Variants in KIAA0319L observed in about 807,000 individuals in gnomAD.
KIAA0319L encodes KIAA0319 like, also known as dyslexia-associated protein KIAA0319-like protein.
KIAA0319L carries 55 observed loss-of-function variants against 120.1 expected under a neutral mutation model. That is an observed-to-expected ratio of 0.46 (90% CI 0.37 to 0.57). KIAA0319L has a LOEUF of 0.57. KIAA0319L is among the 20% of genes least tolerant of loss of function. The pLI is 0.00. For missense variants in KIAA0319L, 1,049 were observed against 1,255.3 expected (o/e 0.84, Z 2.48); for synonymous variants, 398 against 471.9 (o/e 0.84, Z 2.03).
chr1:35,445,707 G>C (rs910604942), intron 16 of KIAA0319L, among the ~76,000 whole-genome samples: 1 of 152,182 alleles, frequency 6.6e-6, no homozygotes, highest in Non-Finnish European at 1.5e-5. Flanking sequence ...AACACTAGTA[G>C]GGCAGGGCTC....
chr1:35,438,225 T>C (rs1640937404), intron 20 of KIAA0319L, among the ~76,000 whole-genome samples: 1 of 152,184 alleles, frequency 6.6e-6, no homozygotes, highest in Non-Finnish European at 1.5e-5. Context: ...TCAACTCCAT[T>C]CATAACTGTC....
Position 35,463,351 on chromosome 1 carries a change from A to G in KIAA0319L, c.1202-638T>C, listed in dbSNP as rs369473184. ...GTTGATGAAAAGTACTACAGCAGCA[A>G]GTGACTCCTTTCAGCCAAGCCTGAC... On this transcript the variant is annotated intron_variant, in intron 7 of 20. Coordinates refer to ENST00000325722, the MANE Select transcript of KIAA0319L (RefSeq NM_024874.5). Among the ~76,000 whole-genome samples, 524 of 152,336 alleles carry G rather than the reference A, an allele frequency of 3.4e-3. 2 individuals are homozygous for G. Among genetic ancestry groups the G allele is most frequent in the Non-Finnish European group, 4.8e-3 (326 of 68,022 alleles).
At chr1:35,513,476 G>T (rs1645558640) in intron 2 of KIAA0319L, among the ~76,000 whole-genome samples, 1 of 151,570 alleles carries the variant, frequency 6.6e-6, no homozygotes, top group Non-Finnish European at 1.5e-5. Context: ...AATCAGCCAG[G>T]TGTGGTGGTG....
At chr1:35,552,573 AATGAG>A (rs1647316531) in intron 2 of KIAA0319L, among the ~76,000 whole-genome samples, 1 of 152,130 alleles carries the variant, frequency 6.6e-6, no homozygotes, top group Non-Finnish European at 1.5e-5. Flanking sequence ...ATGAAGATTA[AATGAG>A]ATAAGGTATG....
At chr1:35,528,525 T>C (rs1054283390) in intron 2 of KIAA0319L, among the ~76,000 whole-genome samples, 6 of 152,208 alleles carry the variant, frequency 3.9e-5, no homozygotes, top group Non-Finnish European at 8.8e-5. Context: ...TGTTGAGGTT[T>C]CGTGGTCTGA....
intron 13 of KIAA0319L, among the ~76,000 whole-genome samples, chr1:35,451,089 A>ATCAACTTAAGGCCC (rs151215176): frequency 1.3e-5 from 2 of 152,072 alleles, no homozygotes; most frequent in African/African-American, 2.4e-5. Context: ...TTTTCCTGCT[A>ATCAACTTAAGGCCC]TCAACTTAAG....
At position 35,441,156 on chromosome 1, in the gene KIAA0319L, C is replaced by A. The variant is rs550118286; in HGVS notation, c.2871-18G>T. The A allele has an allele frequency of 1.6e-5, 25 of 1,607,190 alleles. No individual in the cohort carries two copies. In the African/African-American group the frequency reaches 2.8e-4, roughly 18 times the overall value. On this transcript the variant is annotated intron_variant, in intron 19 of 20. Coordinates refer to ENST00000325722, the MANE Select transcript of KIAA0319L (RefSeq NM_024874.5). The stretch of plus-strand genomic sequence containing the variant: ...CTTTTTGCCTAAAAAACACAACCCC[C>A]ACCCCTGCTCAGGAAAGAGGTTCTC...
chr1:35,490,087 A>G (rs749208286), intron 3 of KIAA0319L, among the ~76,000 whole-genome samples: 1 of 152,086 alleles, frequency 6.6e-6, no homozygotes, highest in Non-Finnish European at 1.5e-5. Context: ...CAGCCCCCCA[A>G]GTAGCTTTTT....
Position 35,512,251 on chromosome 1 carries a change from G to A in KIAA0319L, c.143-5116C>T, listed in dbSNP as rs376048572. Among the ~76,000 whole-genome samples the A allele has an allele frequency of 6.1e-4, 91 of 148,308 alleles. 1 individual carries two copies. Among genetic ancestry groups the A allele is most frequent in the Middle Eastern group, 7.1e-3 (2 of 280 alleles). On this transcript the variant is annotated intron_variant, in intron 2 of 20. Transcript: ENST00000325722. ...CCACTGTACTCCAGCCTGGACAACAGAGCAAGACTCTGTCTCAAAAAAAAT... is the reference window on the plus strand; with the variant it reads ...CCACTGTACTCCAGCCTGGACAACAAAGCAAGACTCTGTCTCAAAAAAAAT...
chr1:35,533,997 C>T (rs888286078), intron 2 of KIAA0319L, among the ~76,000 whole-genome samples: 12 of 152,192 alleles, frequency 7.9e-5, no homozygotes, highest in Admixed American at 2.6e-4. Flanking sequence ...CTTTGAAGGA[C>T]ACAATCAGGT....
Position 35,441,040 on chromosome 1 carries a change from C to A in KIAA0319L, c.2962+7G>T, listed in dbSNP as rs756712402. The A allele has an allele frequency of 1.2e-6, 2 of 1,611,332 alleles. No homozygotes were observed. Among genetic ancestry groups the A allele is most frequent in the Non-Finnish European group, 1.7e-6 (2 of 1,177,548 alleles). On this transcript the variant is annotated splice_region_variant and intron_variant, in intron 20 of 20. Transcript: ENST00000325722. Reference sequence around the variant, plus strand: ...GACCTAGAAGCTCTGGCACCCAGGGCCCCTACCTGCTCGGGAGGTTGGCTT... The same window carrying A: ...GACCTAGAAGCTCTGGCACCCAGGGACCCTACCTGCTCGGGAGGTTGGCTT...
intron 2 of KIAA0319L, among the ~76,000 whole-genome samples, chr1:35,519,827 C>T (rs998437833): frequency 5.3e-5 from 8 of 152,178 alleles, no homozygotes; most frequent in Admixed American, 2.0e-4. Flanking sequence ...CTTATCTGTC[C>T]TTATTCAGCT....
At chr1:35,471,281 C>T (rs889503939) in intron 5 of KIAA0319L, among the ~76,000 whole-genome samples, 6 of 152,158 alleles carry the variant, frequency 3.9e-5, no homozygotes, top group African/African-American at 1.4e-4. Flanking sequence ...ACATGTCCGA[C>T]CAACCATTAT....
chr1:35,494,262 C>T (rs1644711527), intron 3 of KIAA0319L, among the ~76,000 whole-genome samples: 1 of 151,918 alleles, frequency 6.6e-6, no homozygotes, highest in African/African-American at 2.4e-5. Context: ...GCCTGGCCAA[C>T]ATAATGAAAC....
intron 16 of KIAA0319L, among the ~76,000 whole-genome samples, chr1:35,445,701 C>T (rs1047902765): frequency 6.6e-6 from 1 of 152,192 alleles, no homozygotes; most frequent in African/African-American, 2.4e-5. Context: ...AGAGCTAACA[C>T]TAGTAGGGCA....
chr1:35,551,770 T>C (rs766516741), intron 2 of KIAA0319L, among the ~76,000 whole-genome samples: 31 of 152,198 alleles, frequency 2.0e-4, no homozygotes, highest in Non-Finnish European at 3.2e-4. Flanking sequence ...TTAATTTCCA[T>C]GATAAAAGCT....
intron 2 of KIAA0319L, among the ~76,000 whole-genome samples, chr1:35,549,012 C>A (rs141053306): frequency 6.6e-6 from 1 of 151,852 alleles, no homozygotes; most frequent in African/African-American, 2.4e-5. Context: ...AAGCTAAATG[C>A]TTCTCCTACG....
intron 2 of KIAA0319L, among the ~76,000 whole-genome samples, chr1:35,525,728 G>A (rs1171665687): frequency 1.3e-5 from 2 of 152,076 alleles, no homozygotes; most frequent in African/African-American, 4.8e-5. Context: ...GTGTATTATG[G>A]ATATTAGTCC....
intron 6 of KIAA0319L, among the ~76,000 whole-genome samples, chr1:35,469,468 C>T (rs1296984418): frequency 1.3e-5 from 2 of 152,076 alleles, no homozygotes; most frequent in Non-Finnish European, 2.9e-5. Context: ...GTCCTTAATC[C>T]GGCATATAAG....
Sources: gnomAD v4.1 joint callset for allele counts (sites outside exome capture counted in the v4.1 genomes callset) on GRCh38, gnomAD v4.1.1 for gene constraint, MANE v1.5 for transcripts, NCBI Gene and HGNC (gene_info 2026-07-23, HGNC 2026-07-21) for gene names.